The following RNF150 variants were observed in gnomAD, a reference collection of about 807,000 sequenced individuals.
RNF150 encodes the protein ring finger protein 150.
Under a neutral mutation model 39.3 loss-of-function variants are expected in RNF150, and 24 were observed. That is an observed-to-expected ratio of 0.61 (90% CI 0.44 to 0.86). The LOEUF is 0.86. Ranked by LOEUF, RNF150 falls within the 40% of genes least tolerant of loss-of-function variation. The pLI, the probability that RNF150 is intolerant of heterozygous loss-of-function variation, is 0.00. For missense variants in RNF150, 502 were observed against 587.8 expected, an observed-to-expected ratio of 0.85 and a Z score of 1.51; for synonymous variants, 255 against 227.3, an observed-to-expected ratio of 1.12 and a Z score of -1.10.
At chr4:141,113,001 T>C (rs1739436366) in intron 1 of RNF150, among the ~76,000 whole-genome samples, 1 of 152,060 alleles carries the variant, frequency 6.6e-6, no homozygotes. Context: ...TAACCTTTCT[T>C]CCGCTTGATC....
intron 6 of RNF150, among the ~76,000 whole-genome samples, chr4:140,899,974 C>CTCTCTCTCTCTCTCTCTGTGTG (rs1365683071): frequency 2.9e-5 from 2 of 69,220 alleles, no homozygotes; most frequent in African/African-American, 8.6e-5. Flanking sequence ...CTCTCTCTCT[C>CTCTCTCTCTCTCTCTCTGTGTG]TGTGTGTGTG....
chr4:140,924,401 A>G (rs565262845), intron 5 of RNF150, among the ~76,000 whole-genome samples: 16 of 152,348 alleles, frequency 1.1e-4, no homozygotes, highest in African/African-American at 3.4e-4. Context: ...AATACTCTTT[A>G]GTACAAAATT....
At position 141,050,229 on chromosome 4, in the gene RNF150, AT is replaced by A. The variant is rs879732164; in HGVS notation, c.484+82095del. Among the ~76,000 whole-genome samples, 1,086 of 151,432 alleles carry A rather than the reference AT, an allele frequency of 7.2e-3. 13 individuals are homozygous for A. The highest frequency in any genetic ancestry group is 0.024 in the African/African-American group (992 of 41,330). The stretch of plus-strand genomic sequence containing the variant: ...TGGTTGTGTGTGTGAGATTTTTATT[AT>A]TTTTTTTTCCTCCCATGACATGTGG... On this transcript the variant is annotated intron_variant, in intron 1 of 6. Coordinates refer to ENST00000515673, the MANE Select transcript of RNF150 (RefSeq NM_020724.2).
At chr4:141,064,765 T>C (rs1173824145) in intron 1 of RNF150, among the ~76,000 whole-genome samples, 2 of 152,178 alleles carry the variant, frequency 1.3e-5, no homozygotes, top group Non-Finnish European at 2.9e-5. Context: ...GGAGAGGTAG[T>C]ACCCCTTCAA....
intron 1 of RNF150, among the ~76,000 whole-genome samples, chr4:140,988,527 T>C (rs1053683236): frequency 6.6e-6 from 1 of 152,140 alleles, no homozygotes; most frequent in Non-Finnish European, 1.5e-5. Context: ...CTAGGGTACA[T>C]GTGCACAACG....
At chr4:141,131,379 T>C (rs958191464) in intron 1 of RNF150, among the ~76,000 whole-genome samples, 4 of 152,202 alleles carry the variant, frequency 2.6e-5, no homozygotes, top group Admixed American at 2.6e-4. Flanking sequence ...GGCACACAAA[T>C]ACAAGCAGCA....
At chr4:141,053,639 G>A (rs924128900) in intron 1 of RNF150, 2 of 1,174,250 alleles carry the variant, frequency 1.7e-6, no homozygotes, top group Non-Finnish European at 2.2e-6. Context: ...ACTGAGTGAA[G>A]CGTGCATTTT....
intron 1 of RNF150, among the ~76,000 whole-genome samples, chr4:141,141,700 CTG>C (rs1446589850): frequency 3.3e-5 from 5 of 152,258 alleles, no homozygotes; most frequent in Middle Eastern, 6.8e-3. Context: ...TACTCAGTGA[CTG>C]AGGCACCAGA....
At chr4:140,897,991 T>G (rs868132534) in intron 6 of RNF150, among the ~76,000 whole-genome samples, 39 of 152,280 alleles carry the variant, frequency 2.6e-4, no homozygotes, top group African/African-American at 8.9e-4. Flanking sequence ...ATGGGAAATT[T>G]CAATACCTCT....
chr4:141,203,653 G>T, intron 1 of RNF150, among the ~76,000 whole-genome samples: 1 of 151,618 alleles, frequency 6.6e-6, no homozygotes, highest in African/African-American at 2.4e-5. Context: ...TTGCTAATTA[G>T]CTTAGGACAA....
At chr4:141,011,124 T>TA (rs1362437541) in intron 1 of RNF150, among the ~76,000 whole-genome samples, 1 of 152,006 alleles carries the variant, frequency 6.6e-6, no homozygotes, top group African/African-American at 2.4e-5. Flanking sequence ...TGAAAAAACT[T>TA]AAAGTATTGG....
chr4:140,943,318 G>A (rs998907697), intron 4 of RNF150, among the ~76,000 whole-genome samples: 4 of 152,126 alleles, frequency 2.6e-5, no homozygotes, highest in Non-Finnish European at 4.4e-5. Flanking sequence ...GATAGTAAAT[G>A]ATATTGACAA....
At chr4:141,024,054 T>G (rs1336789084) in intron 1 of RNF150, among the ~76,000 whole-genome samples, 1 of 152,134 alleles carries the variant, frequency 6.6e-6, no homozygotes, top group East Asian at 1.9e-4. Flanking sequence ...AAGAGGAAAC[T>G]AAAAACTGAA....
At chr4:141,018,925 GT>G (rs35243261) in intron 1 of RNF150, among the ~76,000 whole-genome samples, 1 of 151,262 alleles carries the variant, frequency 6.6e-6, no homozygotes, top group Non-Finnish European at 1.5e-5. Context: ...TATTATACAG[GT>G]TTTTTCCTAG....
At chr4:141,038,551 C>G (rs949636643) in intron 1 of RNF150, among the ~76,000 whole-genome samples, 2 of 151,942 alleles carry the variant, frequency 1.3e-5, no homozygotes, top group Admixed American at 6.6e-5. Flanking sequence ...ATTAACCAGG[C>G]ATGGTGGCAT....
chr4:140,990,610 G>T lies in RNF150; in HGVS notation c.485-22737C>A, dbSNP rs1207215854. On this transcript the variant is annotated intron_variant, in intron 1 of 6. Transcript: ENST00000515673. The stretch of plus-strand genomic sequence containing the variant: ...TGTTTGGTTTTCTGTTCCTCCATTA[G>T]TTTGCTGAGGATAATGGCTTCCAGC... 3.3e-5 allele frequency among the ~76,000 whole-genome samples: 5 copies of T among 152,260 alleles called. No homozygotes were observed. In the East Asian group the frequency reaches 7.7e-4, roughly 24 times the overall value.
intron 1 of RNF150, among the ~76,000 whole-genome samples, chr4:141,147,010 G>A (rs1409059406): frequency 6.6e-6 from 1 of 152,170 alleles, no homozygotes; most frequent in Non-Finnish European, 1.5e-5. Flanking sequence ...CACCCAGGCT[G>A]AAGTGCAGTG....
At chr4:140,980,008 T>C (rs1733802651) in intron 1 of RNF150, among the ~76,000 whole-genome samples, 1 of 152,134 alleles carries the variant, frequency 6.6e-6, no homozygotes, top group South Asian at 2.1e-4. Context: ...TTTGAACTAC[T>C]GGGAAAAATC....
chr4:140,978,810 C>G (rs1444395907), intron 1 of RNF150, among the ~76,000 whole-genome samples: 1 of 152,040 alleles, frequency 6.6e-6, no homozygotes, highest in African/African-American at 2.4e-5. Context: ...GTTCTGTGAG[C>G]ATTTCAAATG....
Sources: gnomAD v4.1 joint callset for allele counts (sites outside exome capture counted in the v4.1 genomes callset) on GRCh38, gnomAD v4.1.1 for gene constraint, MANE v1.5 for transcripts, NCBI Gene and HGNC (gene_info 2026-07-23, HGNC 2026-07-21) for gene names.